MAGI2: variants seen among roughly 807,000 people sequenced by gnomAD.
MAGI2 encodes the protein membrane associated guanylate kinase, WW and PDZ domain containing 2, also known as membrane-associated guanylate kinase, WW and PDZ domain-containing protein 2.
A neutral mutation model predicts 133.3 loss-of-function variants in MAGI2; 35 were observed. That is an observed-to-expected ratio of 0.26 (90% CI 0.20 to 0.35). The LOEUF is 0.35. Among genes scored for constraint, MAGI2 ranks in the 10% least tolerant of loss-of-function variants. The pLI is 1.00. For missense variants in MAGI2, 1,636 were observed against 1,863.4 expected (o/e 0.88, Z 2.25); for synonymous variants, 729 against 710.6 (o/e 1.03, Z -0.41).
At chr7:78,215,140 A>G (rs1004699080) in intron 10 of MAGI2, among the ~76,000 whole-genome samples, 1 of 152,224 alleles carries the variant, frequency 6.6e-6, no homozygotes, top group East Asian at 1.9e-4. Context: ...CGAAGCATAA[A>G]GCGAAGAATG....
intron 1 of MAGI2, among the ~76,000 whole-genome samples, chr7:79,303,920 C>T (rs900685746): frequency 6.6e-6 from 1 of 152,034 alleles, no homozygotes; most frequent in African/African-American, 2.4e-5. Flanking sequence ...AGAACAAATA[C>T]ACACACATAT....
At chr7:78,605,053 G>C (rs551591690) in intron 3 of MAGI2, among the ~76,000 whole-genome samples, 1 of 152,192 alleles carries the variant, frequency 6.6e-6, no homozygotes, top group African/African-American at 2.4e-5. Flanking sequence ...CATGTGAGAG[G>C]AGGTGGCAGT....
chr7:78,235,564 C>G (rs1427034500), intron 10 of MAGI2, among the ~76,000 whole-genome samples: 2 of 152,110 alleles, frequency 1.3e-5, no homozygotes, highest in African/African-American at 4.8e-5. Flanking sequence ...TCCCCCTTTG[C>G]TTGGCACTTC....
At chr7:78,225,697 T>G (rs1413911470) in intron 10 of MAGI2, among the ~76,000 whole-genome samples, 5 of 152,192 alleles carry the variant, frequency 3.3e-5, no homozygotes, top group Non-Finnish European at 7.3e-5. Flanking sequence ...CAAAACCAAG[T>G]CCATATTTGG....
At chr7:78,486,505 T>C (rs529626836) in intron 6 of MAGI2, 5 of 190,932 alleles carry the variant, frequency 2.6e-5, no homozygotes, top group Non-Finnish European at 5.5e-5. Flanking sequence ...TATGTGAAAG[T>C]ATACAAAACT....
intron 21 of MAGI2, among the ~76,000 whole-genome samples, chr7:78,031,419 G>A (rs1809557615): frequency 1.3e-5 from 2 of 152,106 alleles, no homozygotes; most frequent in African/African-American, 2.4e-5. Context: ...TTAAACCTGG[G>A]TGAAGAAACA....
At chr7:78,432,560 C>G (rs1286188135) in intron 6 of MAGI2, among the ~76,000 whole-genome samples, 1 of 152,034 alleles carries the variant, frequency 6.6e-6, no homozygotes, top group Non-Finnish European at 1.5e-5. Flanking sequence ...TTGTTGACTT[C>G]TTTTGAACAG....
chr7:78,619,322 ATAT>A (rs1019201465), intron 3 of MAGI2, among the ~76,000 whole-genome samples: 3 of 151,760 alleles, frequency 2.0e-5, no homozygotes, highest in African/African-American at 4.8e-5. Context: ...TTACCTAATA[ATAT>A]TATGGATTGT....
chr7:78,850,755 C>T (rs552822), intron 2 of MAGI2, among the ~76,000 whole-genome samples: 95,323 of 151,370 alleles, frequency 0.63, 30,876 homozygotes, highest in East Asian at 0.73. Context: ...GTCTGTGCTA[C>T]AAAGTCTTGC....
At chr7:78,257,650 A>G (rs1015500782) in intron 9 of MAGI2, among the ~76,000 whole-genome samples, 2 of 152,210 alleles carry the variant, frequency 1.3e-5, no homozygotes, top group African/African-American at 4.8e-5. Flanking sequence ...AAAAATTTCA[A>G]TTATGTATGA....
chr7:78,731,405 C>T (rs1387318626), intron 2 of MAGI2, among the ~76,000 whole-genome samples: 1 of 151,950 alleles, frequency 6.6e-6, no homozygotes, highest in Non-Finnish European at 1.5e-5. Context: ...TTTGAATAGG[C>T]AAGAAAGCAG....
chr7:79,245,136 C>G (rs1464863341), intron 1 of MAGI2, among the ~76,000 whole-genome samples: 1 of 152,216 alleles, frequency 6.6e-6, no homozygotes, highest in Non-Finnish European at 1.5e-5. Flanking sequence ...CCAGGCAGTA[C>G]TCACAATGGG....
chr7:78,718,540 T>C (rs66495), intron 2 of MAGI2, among the ~76,000 whole-genome samples: 142,656 of 151,718 alleles, frequency 0.94, 67,121 homozygotes, highest in East Asian at 1. Context: ...ACAGTGAATG[T>C]GAGGGGTGTA....
At position 79,421,249 on chromosome 7, in the gene MAGI2, C is replaced by T. The variant is rs561813036; in HGVS notation, c.301+31771G>A. Among the ~76,000 whole-genome samples, 28 of 151,974 alleles carry T rather than the reference C, an allele frequency of 1.8e-4. No homozygotes were observed. The South Asian group carries it at 5.8e-3, about 31-fold the overall frequency. ...TTACCTATATATTCTTACCATGTTG[C>T]TTGGCTTATAGTTAAGTACCCAATA... On this transcript the variant is annotated intron_variant, in intron 1 of 21. Coordinates refer to ENST00000354212, the MANE Select transcript of MAGI2 (RefSeq NM_012301.4).
intron 20 of MAGI2, among the ~76,000 whole-genome samples, chr7:78,104,576 T>C (rs1434784856): frequency 6.6e-6 from 1 of 152,108 alleles, no homozygotes; most frequent in Non-Finnish European, 1.5e-5. Context: ...TTTCCATCCT[T>C]GTATGCTACT....
chr7:78,689,481 C>T (rs66533053), intron 2 of MAGI2, among the ~76,000 whole-genome samples: 3,542 of 152,220 alleles, frequency 0.023, 64 homozygotes, highest in Non-Finnish European at 0.035. Flanking sequence ...ATACATACAT[C>T]TATGTAACCT....
At chr7:79,331,076 G>A (rs930826646) in intron 1 of MAGI2, among the ~76,000 whole-genome samples, 2 of 152,080 alleles carry the variant, frequency 1.3e-5, no homozygotes, top group African/African-American at 4.8e-5. Flanking sequence ...AACTGGGAAT[G>A]GTTTGGCAGT....
At chr7:79,180,526 A>T (rs1322870193) in intron 1 of MAGI2, among the ~76,000 whole-genome samples, 1 of 151,996 alleles carries the variant, frequency 6.6e-6, no homozygotes, top group Non-Finnish European at 1.5e-5. Context: ...ACAACAGAAA[A>T]GACCTGCCCC....
intron 2 of MAGI2, among the ~76,000 whole-genome samples, chr7:78,780,887 A>T (rs111875422): frequency 2.6e-4 from 40 of 152,338 alleles, no homozygotes; most frequent in African/African-American, 8.7e-4. Context: ...TAAAAGTAAG[A>T]TGACTGAAAA....
Sources: allele counts gnomAD v4.1 joint callset (sites outside exome capture counted in the v4.1 genomes callset), GRCh38; gene constraint gnomAD v4.1.1; transcripts MANE v1.5; gene names NCBI Gene and HGNC (gene_info 2026-07-23, HGNC 2026-07-21).